Variants in MYO5A observed in about 807,000 individuals in gnomAD.
MYO5A encodes unconventional myosin-Va.
Under a neutral mutation model 249.7 loss-of-function variants are expected in MYO5A, and 98 were observed. The observed-to-expected ratio is 0.39, with a 90% confidence interval of 0.33 to 0.46. The LOEUF (loss-of-function observed/expected upper bound fraction) is 0.46, where lower values mean the gene tolerates loss of function less well. MYO5A is among the 20% of genes least tolerant of loss of function. The pLI, the probability that MYO5A is intolerant of heterozygous loss-of-function variation, is 0.98. For synonymous variants in MYO5A, 778 were observed against 810.6 expected, an observed-to-expected ratio of 0.96 and a Z score of 0.68; for missense variants, 1,696 against 2,308.8, an observed-to-expected ratio of 0.73 and a Z score of 5.44.
intron 18 of MYO5A, among the ~76,000 whole-genome samples, chr15:52,378,543 G>T (rs1351329158): frequency 9.5e-5 from 4 of 42,214 alleles, no homozygotes; most frequent in Admixed American, 3.5e-4. Context: ...AAGGGAATTG[G>T]GGCAAACTCA....
chr15:52,439,913 A>G (rs538005811), intron 1 of MYO5A, among the ~76,000 whole-genome samples: 1 of 152,382 alleles, frequency 6.6e-6, no homozygotes, highest in East Asian at 1.9e-4. Context: ...GAACCACTTG[A>G]CAAAAAATCA....
chr15:52,474,467 A>G (rs557829595), intron 1 of MYO5A, among the ~76,000 whole-genome samples: 251 of 152,278 alleles, frequency 1.6e-3, no homozygotes, highest in African/African-American at 5.9e-3. Context: ...GTCTTGTGCC[A>G]GTTTTCAAAG....
intron 1 of MYO5A, among the ~76,000 whole-genome samples, chr15:52,433,653 C>T (rs1381319928): frequency 6.6e-6 from 1 of 151,998 alleles, no homozygotes; most frequent in Non-Finnish European, 1.5e-5. Flanking sequence ...AACTCCTGAC[C>T]TCAGGTGATC....
At chr15:52,433,025 C>CT in intron 2 of MYO5A, 150 bp downstream of exon 2, 1 of 664,522 alleles carries the variant, frequency 1.5e-6, no homozygotes, top group South Asian at 1.6e-5. Flanking sequence ...GGATAGAAAA[C>CT]TGAGTTTGCC....
At chr15:52,425,772 A>T in intron 4 of MYO5A, 58 bp downstream of exon 4, 1 of 1,583,142 alleles carries the variant, frequency 6.3e-7, no homozygotes, top group Non-Finnish European at 8.7e-7. Flanking sequence ...TGACTTAGCA[A>T]GAAGAAATTA....
Position 52,461,521 on chromosome 15 carries a change from T to C in MYO5A, c.28-28236A>G, listed in dbSNP as rs570191959. Among the ~76,000 whole-genome samples the C allele has an allele frequency of 9.2e-5, 14 of 152,248 alleles. 2 individuals are homozygous for C. The South Asian group carries it at 2.1e-3, about 23-fold the overall frequency. ...GCCCAAACAAAACAGCATTTCACAATAGGAAGTTATTTTGAAGGTGATGAA... is the reference window on the plus strand; with the variant it reads ...GCCCAAACAAAACAGCATTTCACAACAGGAAGTTATTTTGAAGGTGATGAA... On this transcript the variant is annotated intron_variant, in intron 1 of 41. Coordinates refer to ENST00000399233, the MANE Select transcript of MYO5A (RefSeq NM_001382347.1).
intron 1 of MYO5A, among the ~76,000 whole-genome samples, chr15:52,475,120 G>C (rs1339899182): frequency 6.6e-6 from 1 of 152,172 alleles, no homozygotes; most frequent in East Asian, 1.9e-4. Flanking sequence ...TCTTGGGAGG[G>C]TGTATGTGTC....
At chr15:52,324,787 C>A (rs775756810) in intron 36 of MYO5A, among the ~76,000 whole-genome samples, 2 of 151,662 alleles carry the variant, frequency 1.3e-5, no homozygotes, top group African/African-American at 4.8e-5. Context: ...AAGTACAAAA[C>A]GCCCTTAAAT....
At chr15:52,354,427 T>C (rs553883575) in intron 25 of MYO5A, among the ~76,000 whole-genome samples, 65 of 152,344 alleles carry the variant, frequency 4.3e-4, no homozygotes, top group Admixed American at 1.5e-3. Context: ...TAAAAATATA[T>C]GGAAAAAGAT....
In MYO5A at chr15:52,313,182, C is replaced by T. The variant is rs901721287; in HGVS notation, c.*514G>A. On this transcript the variant is annotated 3_prime_UTR_variant, in exon 42 of 42. Coordinates refer to ENST00000399233, the MANE Select transcript of MYO5A (RefSeq NM_001382347.1). ...AAATGAGGAATTACTTTACATATTGCCAGTTTATTTCTTTGAACCAGTTTA... is the reference window on the plus strand; with the variant it reads ...AAATGAGGAATTACTTTACATATTGTCAGTTTATTTCTTTGAACCAGTTTA... 6.2e-6 allele frequency: 1 copy of T among 161,554 alleles called. No individual in the cohort carries two copies. The highest frequency in any genetic ancestry group is 1.4e-5 in the Non-Finnish European group (1 of 73,120). 10.0% of individuals were successfully genotyped at this position (161,554 alleles called of 1,614,324 possible).
At chr15:52,414,343 C>T (rs562294438) in intron 5 of MYO5A, among the ~76,000 whole-genome samples, 37 of 152,110 alleles carry the variant, frequency 2.4e-4, no homozygotes, top group Non-Finnish European at 5.1e-4. Flanking sequence ...TATAAATTAC[C>T]CAGCCTCAGG....
chr15:52,419,896 A>G (rs1185542979), intron 4 of MYO5A, among the ~76,000 whole-genome samples: 1 of 152,224 alleles, frequency 6.6e-6, no homozygotes, highest in East Asian at 1.9e-4. Flanking sequence ...TCTGGGGTAG[A>G]TAATATTCAG....
Position 52,379,692 on chromosome 15 carries a change from A to C in MYO5A, c.2141T>G (p.Met714Arg). 1 of 1,614,188 alleles carries C rather than the reference A, an allele frequency of 6.2e-7. No individual in the cohort carries two copies. Among genetic ancestry groups the C allele is most frequent in the Non-Finnish European group, 8.5e-7 (1 of 1,180,028 alleles). ...GTCACTCAGCACATCTTTCTGCTTC[A>C]TTAGGACACGGTAGCGGCTGAAAAA... Reference protein sequence around the residue: ...QEFFSRYRVLMKQKDVLSDRK... With the variant: ...QEFFSRYRVLRKQKDVLSDRK... Residue 714 changes from methionine (M) to arginine (R), a missense_variant, in exon 18 of 42, where the codon ATG (methionine) becomes AGG (arginine). Around this residue, in one of 5 missense-constraint regions of MYO5A, gnomAD observed 277 missense variants for 422.4 expected, o/e 0.66. Transcript: ENST00000399233.
At chr15:52,479,001 CTTTTTT>C (rs879377956) in intron 1 of MYO5A, among the ~76,000 whole-genome samples, 3 of 146,764 alleles carry the variant, frequency 2.0e-5, no homozygotes, top group African/African-American at 7.5e-5. Context: ...TAAATTTTAA[CTTTTTT>C]TTTTTTAAGA....
At chr15:52,395,096 C>T (rs1216244155) in intron 11 of MYO5A, among the ~76,000 whole-genome samples, 1 of 152,160 alleles carries the variant, frequency 6.6e-6, no homozygotes, top group Non-Finnish European at 1.5e-5. Flanking sequence ...TCCCATCTCT[C>T]CCCAACCCCA....
At chr15:52,344,767 C>CA (rs1318160019) in intron 30 of MYO5A, among the ~76,000 whole-genome samples, 1 of 152,224 alleles carries the variant, frequency 6.6e-6, no homozygotes, top group African/African-American at 2.4e-5. Flanking sequence ...CAAACCCTCT[C>CA]AGCTGTCTCC....
At chr15:52,472,859 A>G (rs1451774460) in intron 1 of MYO5A, among the ~76,000 whole-genome samples, 1 of 152,226 alleles carries the variant, frequency 6.6e-6, no homozygotes, top group East Asian at 1.9e-4. Flanking sequence ...ACATACGTGT[A>G]CATGTGTCTT....
At chr15:52,512,867 C>T (rs533648970) in intron 1 of MYO5A, among the ~76,000 whole-genome samples, 217 of 152,270 alleles carry the variant, frequency 1.4e-3, no homozygotes, top group African/African-American at 5.0e-3. Flanking sequence ...GTGGCTCACA[C>T]CTGTAATCCC....
chr15:52,317,043 TC>T lies in MYO5A; in HGVS notation c.5409+4del. ...ATTATTTTGTAACAGGGAAAGTTGC[TC>T]TACCTGGGCAGTAGTTAAAGCATTG... On this transcript the variant is annotated splice_donor_region_variant and intron_variant, in intron 40 of 41. Transcript: ENST00000399233. The T allele has an allele frequency of 6.2e-7, 1 of 1,613,202 alleles. No individual in the cohort carries two copies. The highest frequency in any genetic ancestry group is 1.7e-5 in the Admixed American group (1 of 60,032).
Sources: gnomAD v4.1 joint callset for allele counts (sites outside exome capture counted in the v4.1 genomes callset) on GRCh38, gnomAD v4.1.1 for gene constraint, gnomAD v4.1.1 regional missense constraint, MANE v1.5 for transcripts, NCBI Gene and HGNC (gene_info 2026-07-23, HGNC 2026-07-21) for gene names.